The following PTPRD variants were observed in gnomAD, a reference collection of about 807,000 sequenced individuals.
PTPRD encodes the protein receptor-type tyrosine-protein phosphatase delta.
A neutral mutation model predicts 214.5 loss-of-function variants in PTPRD; 34 were observed. The ratio of observed to expected loss-of-function variants is 0.16; its 90% CI spans 0.12 to 0.21. PTPRD has a LOEUF of 0.21. PTPRD is among the 10% of genes least tolerant of loss of function. PTPRD has a pLI of 1.00. For missense variants in PTPRD, 2,545 were observed against 2,398.7 expected (o/e 1.06, Z -1.27); for synonymous variants, 1,128 against 845.7 (o/e 1.33, Z -5.79).
intron 18 of PTPRD, among the ~76,000 whole-genome samples, chr9:8,524,467 T>A (rs2097961754): frequency 6.6e-6 from 1 of 152,192 alleles, no homozygotes; most frequent in Non-Finnish European, 1.5e-5. Flanking sequence ...AGCAGCTTTA[T>A]CCTTACAGTT....
chr9:9,249,786 G>T (rs1429819307), intron 9 of PTPRD, among the ~76,000 whole-genome samples: 1 of 152,054 alleles, frequency 6.6e-6, no homozygotes, highest in Non-Finnish European at 1.5e-5. Flanking sequence ...GTTTGAAGCT[G>T]ATGCCTTACA....
At chr9:10,445,295 A>G (rs1240687050) in intron 2 of PTPRD, among the ~76,000 whole-genome samples, 2 of 152,060 alleles carry the variant, frequency 1.3e-5, no homozygotes, top group African/African-American at 4.8e-5. Flanking sequence ...TTGAGTTGCA[A>G]TTGTTGACTT....
chr9:8,602,666 G>T (rs1304921291), intron 14 of PTPRD, among the ~76,000 whole-genome samples: 1 of 152,116 alleles, frequency 6.6e-6, no homozygotes, highest in Non-Finnish European at 1.5e-5. Context: ...ATCGTCAATA[G>T]AAAAGACTGT....
At chr9:9,928,867 T>C (rs1361324615) in intron 5 of PTPRD, among the ~76,000 whole-genome samples, 1 of 152,136 alleles carries the variant, frequency 6.6e-6, no homozygotes, top group African/African-American at 2.4e-5. Context: ...AGCTATTATT[T>C]CACTTGGTAA....
intron 2 of PTPRD, among the ~76,000 whole-genome samples, chr9:10,371,646 T>C (rs1369952138): frequency 6.6e-6 from 1 of 152,064 alleles, no homozygotes. Flanking sequence ...GTCACACTAC[T>C]CCATTTTGGT....
chr9:9,332,107 G>A (rs1201834202), intron 9 of PTPRD, among the ~76,000 whole-genome samples: 1 of 151,988 alleles, frequency 6.6e-6, no homozygotes, highest in Non-Finnish European at 1.5e-5. Flanking sequence ...CAATGACAGA[G>A]AGCAATACAC....
At chr9:8,561,131 C>T (rs192459809) in intron 14 of PTPRD, among the ~76,000 whole-genome samples, 1 of 152,216 alleles carries the variant, frequency 6.6e-6, no homozygotes, top group African/African-American at 2.4e-5. Context: ...TCTGATTGAT[C>T]CCCACCCTTC....
intron 5 of PTPRD, among the ~76,000 whole-genome samples, chr9:9,814,251 C>G (rs1471439695): frequency 6.6e-6 from 1 of 151,390 alleles, no homozygotes; most frequent in Non-Finnish European, 1.5e-5. Flanking sequence ...AAATGTGTCT[C>G]TCTTACCACT....
intron 5 of PTPRD, among the ~76,000 whole-genome samples, chr9:9,815,844 T>A (rs923013880): frequency 6.6e-6 from 1 of 152,148 alleles, no homozygotes; most frequent in African/African-American, 2.4e-5. Context: ...GTGACTGTAG[T>A]TAGTAACACT....
chr9:9,317,388 T>C (rs1963832860), intron 9 of PTPRD, among the ~76,000 whole-genome samples: 1 of 152,194 alleles, frequency 6.6e-6, no homozygotes, highest in South Asian at 2.1e-4. Context: ...AACAAACTTA[T>C]TATTCTTCCT....
At chr9:9,235,237 G>T (rs747921940) in intron 9 of PTPRD, among the ~76,000 whole-genome samples, 1 of 152,028 alleles carries the variant, frequency 6.6e-6, no homozygotes, top group Non-Finnish European at 1.5e-5. Flanking sequence ...AACAACATGG[G>T]GGTAATCAGC....
chr9:10,121,395 C>G (rs2098774130), intron 3 of PTPRD, among the ~76,000 whole-genome samples: 1 of 152,030 alleles, frequency 6.6e-6, no homozygotes, highest in Admixed American at 6.6e-5. Flanking sequence ...TTAAAATAGG[C>G]AAATAGTATT....
chr9:9,002,936 G>C (rs894329328), intron 11 of PTPRD, among the ~76,000 whole-genome samples: 3 of 152,008 alleles, frequency 2.0e-5, no homozygotes, highest in African/African-American at 7.2e-5. Flanking sequence ...GCTTGCAATA[G>C]CCTGTTGTTA....
At chr9:10,447,375 C>A (rs547590504) in intron 2 of PTPRD, among the ~76,000 whole-genome samples, 1 of 151,930 alleles carries the variant, frequency 6.6e-6, no homozygotes, top group Non-Finnish European at 1.5e-5. Flanking sequence ...ATTGAAGGTA[C>A]CTTTGGGCTC....
chr9:9,944,135 T>C (rs1402367170), intron 4 of PTPRD, among the ~76,000 whole-genome samples: 1 of 152,170 alleles, frequency 6.6e-6, no homozygotes, highest in African/African-American at 2.4e-5. Context: ...TGACGTTGGC[T>C]GAAGCCTTTG....
intron 7 of PTPRD, among the ~76,000 whole-genome samples, chr9:9,592,798 A>T (rs1458978142): frequency 1.3e-5 from 2 of 152,074 alleles, no homozygotes; most frequent in South Asian, 2.1e-4. Flanking sequence ...TAATCCCAGC[A>T]CTTTGGGAGG....
rs534764591 is a variant in PTPRD, at chr9:8,848,707, C to T, written c.-103-114761G>A. On this transcript the variant is annotated intron_variant, in intron 11 of 45. Coordinates refer to ENST00000381196, the MANE Select transcript of PTPRD (RefSeq NM_002839.4). ...ATTTTTTTTAAAATCATGTCATATA[C>T]AAGAGTGAGGAGGTTAAGAGTGAGT... Among the ~76,000 whole-genome samples the T allele has an allele frequency of 8.6e-5, 13 of 152,040 alleles. No homozygotes were observed. The South Asian group carries it at 2.5e-3, about 29-fold the overall frequency.
intron 4 of PTPRD, among the ~76,000 whole-genome samples, chr9:9,940,709 A>T: frequency 6.6e-6 from 1 of 152,190 alleles, no homozygotes; most frequent in East Asian, 1.9e-4. Context: ...TGCTCCAGTC[A>T]TGCTGAGCTC....
intron 6 of PTPRD, among the ~76,000 whole-genome samples, chr9:9,755,577 G>C (rs1283476120): frequency 6.6e-6 from 1 of 151,978 alleles, no homozygotes; most frequent in Non-Finnish European, 1.5e-5. Context: ...AGAAAAATTG[G>C]GTAAAATAAC....
Sources: gnomAD v4.1 joint callset for allele counts (sites outside exome capture counted in the v4.1 genomes callset) on GRCh38, gnomAD v4.1.1 for gene constraint, MANE v1.5 for transcripts, NCBI Gene and HGNC (gene_info 2026-07-23, HGNC 2026-07-21) for gene names.